The following GALNS variants were observed in gnomAD, a reference collection of about 807,000 sequenced individuals.
GALNS encodes the protein N-acetylgalactosamine-6-sulfatase.
A neutral mutation model predicts 65.9 loss-of-function variants in GALNS; 65 were observed. The ratio of observed to expected loss-of-function variants is 0.99; its 90% CI spans 0.81 to 1.21. The LOEUF (loss-of-function observed/expected upper bound fraction) is 1.21. GALNS is among the 50% of genes most tolerant of loss of function. The probability of loss-of-function intolerance (pLI) is 0.00; values close to 1 mark genes in which losing one functional copy is unlikely to be tolerated. For synonymous variants in GALNS, 346 were observed against 288.9 expected, an observed-to-expected ratio of 1.20 and a Z score of -2.00; for missense variants, 776 against 700.7, an observed-to-expected ratio of 1.11 and a Z score of -1.21.
chr16:88,818,139 C>G lies in GALNS; in HGVS notation c.1365-15G>C, dbSNP rs1909834559. 1.5e-5 allele frequency: 24 copies of G among 1,564,666 alleles called. No homozygotes were observed. The highest frequency in any genetic ancestry group is 1.9e-5 in the Non-Finnish European group (22 of 1,161,122). ...CGCTGGCAAAGCTGGGGACAGAGAG[C>G]TCTGGTCACACGGCTGGGGCTGACA... is the stretch of plus-strand genomic sequence containing the variant. On this transcript the variant is annotated splice_polypyrimidine_tract_variant and intron_variant, in intron 12 of 13. Coordinates refer to ENST00000268695, the MANE Select transcript of GALNS (RefSeq NM_000512.5).
chr16:88,816,126 A>ACTG (rs1909596089), intron 13 of GALNS: 1 of 985,306 alleles, frequency 1.0e-6, no homozygotes, highest in African/African-American at 1.7e-5. Context: ...CTGAGTTGGC[A>ACTG]CTTTTCCCCC....
At chr16:88,852,735 G>A (rs772320286) in intron 1 of GALNS, among the ~76,000 whole-genome samples, 7 of 152,202 alleles carry the variant, frequency 4.6e-5, no homozygotes, top group African/African-American at 9.6e-5. Flanking sequence ...ACTACGTGAC[G>A]CATGCACAAG....
intron 1 of GALNS, chr16:88,855,749 C>A (rs77855582): frequency 1.8e-5 from 10 of 550,082 alleles, no homozygotes; most frequent in South Asian, 8.6e-5. Context: ...CTTCCAATTC[C>A]GACAGCCACG....
chr16:88,850,236 C>T (rs1289347453), intron 1 of GALNS, among the ~76,000 whole-genome samples: 1 of 152,166 alleles, frequency 6.6e-6, no homozygotes, highest in Non-Finnish European at 1.5e-5. Flanking sequence ...TGCTGGGCTC[C>T]CTTCGGGCTG....
At chr16:88,831,212 AGCG>A (rs1911470008) in intron 9 of GALNS, among the ~76,000 whole-genome samples, 1 of 151,744 alleles carries the variant, frequency 6.6e-6, no homozygotes, top group Non-Finnish European at 1.5e-5. Context: ...TTCCGAGGAG[AGCG>A]GTGAGGCCGA....
In GALNS at chr16:88,824,822, C is replaced by T. The variant is rs1212454445; in HGVS notation, c.1187G>A (p.Gly396Glu). 2 of 1,613,280 alleles carry T rather than the reference C, an allele frequency of 1.2e-6. No homozygotes were observed. The highest frequency in any genetic ancestry group is 1.1e-5 in the South Asian group (1 of 91,092). ...GGTCCAGAAGTGAGCCTTGTGCTGC[C>T]CGAGGGTGGCCGCCATCAGCGTGTC... ...RGDTLMAATL[G>E]QHKAHFWTWT... Residue 396 changes from glycine (G) to glutamate (E), a missense_variant, in exon 11 of 14, where the codon GGG (glycine) becomes GAG (glutamate). Transcript: ENST00000268695.
intron 1 of GALNS, among the ~76,000 whole-genome samples, chr16:88,852,350 G>A (rs1967543731): frequency 6.6e-6 from 1 of 152,182 alleles, no homozygotes; most frequent in Non-Finnish European, 1.5e-5. Context: ...TCAACAAAAA[G>A]GACATCTACG....
intron 1 of GALNS, among the ~76,000 whole-genome samples, chr16:88,851,775 A>C (rs571755372): frequency 3.9e-5 from 6 of 152,336 alleles, no homozygotes; most frequent in African/African-American, 1.2e-4. Context: ...GCAGTCTGAG[A>C]TCCACCTGCG....
intron 13 of GALNS, chr16:88,817,024 G>A (rs534029790): frequency 3.8e-5 from 37 of 985,452 alleles, no homozygotes; most frequent in Middle Eastern, 5.2e-4. Flanking sequence ...TGTGTGGCTC[G>A]TTTTTGCCGA....
intron 2 of GALNS, chr16:88,842,252 T>G: frequency 1.7e-6 from 1 of 574,874 alleles, no homozygotes; most frequent in Non-Finnish European, 3.2e-6. Context: ...CCACTGGGCG[T>G]GCAGGTCCAC....
rs1375452799 is a variant in GALNS at position 88,835,807 on chromosome 16, A to G, written c.676T>C (p.Phe226Leu). The change falls in exon 7 of 14, where the codon TTT becomes CTT. Residue 226 changes from phenylalanine to leucine, a missense_variant. Coordinates refer to ENST00000268695, the MANE Select transcript of GALNS (RefSeq NM_000512.5). The stretch of plus-strand genomic sequence containing the variant: ...GCGTCGACAGCCCAGTAGAGGAAAA[A>G]GGGGTGGTGCCGTGCCTGTCTCTTA... ...FIKRQARHHPFFLYWAVDATH... is the reference protein window; with the variant it reads ...FIKRQARHHPLFLYWAVDATH... 4 of 1,614,014 alleles carry G rather than the reference A, an allele frequency of 2.5e-6. No homozygotes were observed. The South Asian group carries it at 4.4e-5, about 18-fold the overall frequency.
At chr16:88,855,229 C>G (rs1164380412) in intron 1 of GALNS, 1 of 698,196 alleles carries the variant, frequency 1.4e-6, no homozygotes. Context: ...CGCCTCACCC[C>G]TCTGTCCTCT....
At chr16:88,855,488 CT>C (rs1383205469) in intron 1 of GALNS, 1 of 702,696 alleles carries the variant, frequency 1.4e-6, no homozygotes, top group African/African-American at 1.7e-5. Context: ...ACACGGACCC[CT>C]GGGCGCTGGA....
At chr16:88,829,805 C>T (rs943074021) in intron 9 of GALNS, among the ~76,000 whole-genome samples, 1 of 152,246 alleles carries the variant, frequency 6.6e-6, no homozygotes. Flanking sequence ...AATCCCTGGG[C>T]CTTCAGGCGC....
At chr16:88,846,838 G>A (rs376416842) in intron 1 of GALNS, among the ~76,000 whole-genome samples, 4 of 152,116 alleles carry the variant, frequency 2.6e-5, no homozygotes, top group East Asian at 1.9e-4. Context: ...CACTGTGCCC[G>A]GCCGTGTTTC....
chr16:88,821,633 C>T (rs895614002), intron 12 of GALNS, among the ~76,000 whole-genome samples: 16 of 152,338 alleles, frequency 1.1e-4, no homozygotes, highest in Non-Finnish European at 1.5e-4. Flanking sequence ...GCGGCTGCCC[C>T]GTCCAGAGGG....
chr16:88,821,917 T>A (rs542625624), intron 12 of GALNS, among the ~76,000 whole-genome samples: 29 of 152,054 alleles, frequency 1.9e-4, no homozygotes, highest in African/African-American at 6.7e-4. Flanking sequence ...GGAGCAGGAA[T>A]TGGGGACCTG....
At chr16:88,842,662 G>C in intron 2 of GALNS, 44 bp downstream of exon 2, 1 of 1,607,346 alleles carries the variant, frequency 6.2e-7, no homozygotes, top group East Asian at 2.2e-5. Context: ...GCCTCGGCCT[G>C]TTGGGCTCAC....
intron 12 of GALNS, among the ~76,000 whole-genome samples, chr16:88,818,848 T>C (rs1909911354): frequency 6.6e-6 from 1 of 152,202 alleles, no homozygotes; most frequent in African/African-American, 2.4e-5. Flanking sequence ...GGGAGGAACT[T>C]CTGCGAGTGT....
Sources: gnomAD v4.1 joint callset for allele counts (sites outside exome capture counted in the v4.1 genomes callset) on GRCh38, gnomAD v4.1.1 for gene constraint, MANE v1.5 for transcripts, NCBI Gene and HGNC (gene_info 2026-07-23, HGNC 2026-07-21) for gene names.